CECR2: variants seen among roughly 807,000 people sequenced by gnomAD.
CECR2 encodes chromatin remodeling regulator CECR2.
Under a neutral mutation model 154.5 loss-of-function variants are expected in CECR2, and 30 were observed. The observed-to-expected ratio is 0.19, with a 90% CI of 0.15 to 0.26. The LOEUF is 0.26. Ranked by LOEUF, CECR2 falls within the 10% of genes least tolerant of loss-of-function variation. The pLI is 1.00. For synonymous variants in CECR2, 725 were observed against 683.7 expected, an observed-to-expected ratio of 1.06 and a Z score of -0.94; for missense variants, 1,743 against 1,829.3, an observed-to-expected ratio of 0.95 and a Z score of 0.86.
intron 1 of CECR2, among the ~76,000 whole-genome samples, chr22:17,442,550 TTTG>T (rs1471061566): frequency 6.6e-6 from 1 of 152,096 alleles, no homozygotes; most frequent in Non-Finnish European, 1.5e-5. Context: ...GGTTTTTTTG[TTTG>T]TTTTGTGTTT....
At chr22:17,471,867 G>T (rs1454009438) in intron 1 of CECR2, among the ~76,000 whole-genome samples, 1 of 152,174 alleles carries the variant, frequency 6.6e-6, no homozygotes, top group Non-Finnish European at 1.5e-5. Context: ...AAGACTCATG[G>T]AACTTCTTCT....
rs552902008 is a variant in CECR2, at chr22:17,444,336, A to G, written c.127-33252A>G. ...GTCAGGCTGGTAAGGAGTAATTAAA[A>G]ATAGCCTTGGCCAGGTGCAGTGGCT... On this transcript the variant is annotated intron_variant, in intron 1 of 18. Coordinates refer to ENST00000262608, the MANE Select transcript of CECR2 (RefSeq NM_001290047.2). Among the ~76,000 whole-genome samples the G allele has an allele frequency of 1.8e-4, 28 of 152,286 alleles. 1 individual carries two copies. The highest frequency in any genetic ancestry group is 9.2e-4 in the Admixed American group (14 of 15,280).
intron 1 of CECR2, among the ~76,000 whole-genome samples, chr22:17,447,039 T>TTTTTTTTTTG (rs2054680759): frequency 7.1e-6 from 1 of 141,578 alleles, no homozygotes; most frequent in South Asian, 2.4e-4. Flanking sequence ...CAATCTTTTT[T>TTTTTTTTTTG]TTTTTTTTTT....
chr22:17,461,575 A>G (rs765087529), intron 1 of CECR2, among the ~76,000 whole-genome samples: 21 of 152,128 alleles, frequency 1.4e-4, no homozygotes, highest in Admixed American at 7.2e-4. Context: ...CAGTAGACCA[A>G]TTTATCCAGG....
intron 2 of CECR2, among the ~76,000 whole-genome samples, chr22:17,479,600 T>C (rs1258413080): frequency 2.0e-5 from 3 of 152,102 alleles, no homozygotes; most frequent in Non-Finnish European, 4.4e-5. Flanking sequence ...TGTCCTTCTG[T>C]TTAAAATTGA....
intron 2 of CECR2, among the ~76,000 whole-genome samples, chr22:17,482,568 C>G (rs1039200219): frequency 6.6e-6 from 1 of 152,158 alleles, no homozygotes; most frequent in Admixed American, 6.5e-5. Context: ...GGGTCTCACT[C>G]TGGCACCCAG....
At chr22:17,419,199 CA>C (rs1214430873) in intron 1 of CECR2, 1 of 153,562 alleles carries the variant, frequency 6.5e-6, no homozygotes, top group African/African-American at 2.4e-5. Flanking sequence ...GAGCACTTGC[CA>C]GGGGACGCCT....
At chr22:17,405,732 C>A (rs1400325280) in intron 1 of CECR2, among the ~76,000 whole-genome samples, 1 of 151,658 alleles carries the variant, frequency 6.6e-6, no homozygotes, top group Non-Finnish European at 1.5e-5. Flanking sequence ...TGTAACCTTC[C>A]TAAACTCCCC....
intron 1 of CECR2, among the ~76,000 whole-genome samples, chr22:17,423,028 A>T (rs867124759): frequency 4.6e-5 from 7 of 151,878 alleles, no homozygotes; most frequent in African/African-American, 1.5e-4. Context: ...GTCTGGTCTG[A>T]TGCTTGTTCT....
chr22:17,533,170 G>T (rs2056385317), intron 9 of CECR2, among the ~76,000 whole-genome samples: 1 of 150,766 alleles, frequency 6.6e-6, no homozygotes, highest in Non-Finnish European at 1.5e-5. Context: ...AGAAAAATTA[G>T]CTGGACATGT....
At chr22:17,435,163 A>C (rs2054484227) in intron 1 of CECR2, among the ~76,000 whole-genome samples, 1 of 152,134 alleles carries the variant, frequency 6.6e-6, no homozygotes, top group South Asian at 2.1e-4. Flanking sequence ...GGAGATACCC[A>C]GATTTTTGTG....
intron 16 of CECR2, among the ~76,000 whole-genome samples, chr22:17,544,580 G>A (rs2056581483): frequency 6.6e-6 from 1 of 151,342 alleles, no homozygotes; most frequent in Non-Finnish European, 1.5e-5. Context: ...GGAGGCCAAG[G>A]CAGGCAGATC....
intron 1 of CECR2, 126 bp downstream of exon 1, chr22:17,370,035 C>T (rs1351964827): frequency 6.6e-6 from 1 of 150,908 alleles, no homozygotes; most frequent in African/African-American, 2.4e-5. Context: ...AGTCGGGGGC[C>T]AGGAGGAGGG....
intron 16 of CECR2, among the ~76,000 whole-genome samples, chr22:17,546,193 A>G (rs1488750629): frequency 1.3e-5 from 2 of 152,192 alleles, no homozygotes; most frequent in Non-Finnish European, 1.5e-5. Flanking sequence ...AGAGCTTTAC[A>G]AGAATCCTGT....
chr22:17,368,766 C>T (rs2063019247), upstream of CECR2, among the ~76,000 whole-genome samples: 1 of 152,130 alleles, frequency 6.6e-6, no homozygotes, highest in Admixed American at 6.5e-5. Context: ...GGGGCGGTCA[C>T]ACGTGTCCAT....
rs1376654868 is a variant in CECR2 at position 17,542,188 on chromosome 22, C to T, written c.2045C>T (p.Pro682Leu). 6.2e-7 allele frequency: 1 copy of T among 1,611,952 alleles called. No individual in the cohort carries two copies. Among genetic ancestry groups the T allele is most frequent in the East Asian group, 2.2e-5 (1 of 44,804 alleles). ...GTTGGAATTAACAGCCTCCGAGGAC[C>T]CAGGCTAGGCACACCAGAGGAGAAG... ...PPVGINSLRG[P>L]RLGTPEEKQM... The change falls in exon 16 of 19, where the codon CCC becomes CTC. Residue 682 changes from proline (P) to leucine (L), a missense_variant. Transcript: ENST00000262608.
rs184662431 is a variant in CECR2 at position 17,531,311 on chromosome 22, C to G, written c.1109-5792C>G. On this transcript the variant is annotated intron_variant, in intron 9 of 18. Transcript: ENST00000262608. The stretch of plus-strand genomic sequence containing the variant: ...CTAGCACTATGAAGGCAGGCAAACT[C>G]CCGCTGCCAAGTGCGGCTTCGCAGA... Among the ~76,000 whole-genome samples, 220 of 152,328 alleles carry G rather than the reference C, an allele frequency of 1.4e-3. 2 individuals carry two copies. The highest frequency in any genetic ancestry group is 5.2e-3 in the African/African-American group (216 of 41,592).
At chr22:17,445,595 G>T (rs1199249030) in intron 1 of CECR2, among the ~76,000 whole-genome samples, 1 of 128,398 alleles carries the variant, frequency 7.8e-6, no homozygotes, top group Admixed American at 7.9e-5. Context: ...ATTATTATTT[G>T]AGGCAGAGGC....
intron 1 of CECR2, among the ~76,000 whole-genome samples, chr22:17,375,303 G>A (rs1292734699): frequency 1.3e-5 from 2 of 151,692 alleles, no homozygotes; most frequent in East Asian, 2.0e-4. Context: ...TAGTACAGAC[G>A]GGGGTTTCTC....
Sources: gnomAD v4.1 joint callset for allele counts (sites outside exome capture counted in the v4.1 genomes callset) on GRCh38, gnomAD v4.1.1 for gene constraint, MANE v1.5 for transcripts, NCBI Gene and HGNC (gene_info 2026-07-23, HGNC 2026-07-21) for gene names.